CEP250: variants seen among roughly 807,000 people sequenced by gnomAD.
CEP250 encodes centrosomal protein 250.
In CEP250, 242 loss-of-function variants were observed where a neutral mutation model predicts 315.7. The ratio of observed to expected loss-of-function variants is 0.77; its 90% CI spans 0.69 to 0.85. The LOEUF (loss-of-function observed/expected upper bound fraction) is 0.85. Among genes scored for constraint, CEP250 ranks in the 40% least tolerant of loss-of-function variants. The pLI, the probability that CEP250 is intolerant of heterozygous loss-of-function variation, is 0.00. For missense variants in CEP250, 2,515 were observed against 2,886.4 expected (o/e 0.87, Z 2.95); for synonymous variants, 1,088 against 1,175.0 (o/e 0.93, Z 1.51).
At position 35,478,071 on chromosome 20, in the gene CEP250, G is replaced by A. The variant is rs147408283; in HGVS notation, c.2064G>A (p.Glu688=). 14 of 1,614,002 alleles carry A rather than the reference G, an allele frequency of 8.7e-6. No individual in the cohort carries two copies. The highest frequency in any genetic ancestry group is 3.3e-4 in the Middle Eastern group (2 of 6,062). The change falls in exon 17 of 35, where the codon GAG becomes GAA. Residue 688 remains glutamate (E), a synonymous_variant. Transcript: ENST00000397527. ...CAGATCTCAGGGACATCCAAGAAGA[G>A]AAGGAAGAAATTCAAAAGAAACTAA... The part of the protein sequence containing the change: ...LQADLRDIQE[E]KEEIQKKLSE...
chr20:35,493,419 C>A lies in CEP250; in HGVS notation c.2890-10C>A. On this transcript the variant is annotated splice_polypyrimidine_tract_variant and intron_variant, in intron 22 of 34. Coordinates refer to ENST00000397527, the MANE Select transcript of CEP250 (RefSeq NM_007186.6). ...TTTCCTCTACTCAATGATTTCTTATCCCTCTTCAGGAGACCACTGGGATAC... is the reference window on the plus strand; with the variant it reads ...TTTCCTCTACTCAATGATTTCTTATACCTCTTCAGGAGACCACTGGGATAC... 6.5e-7 allele frequency: 1 copy of A among 1,546,682 alleles called. No homozygotes were observed. Among genetic ancestry groups the A allele is most frequent in the Non-Finnish European group, 8.7e-7 (1 of 1,150,874 alleles).
At chr20:35,495,870 A>G (rs2063822393) in intron 24 of CEP250, among the ~76,000 whole-genome samples, 1 of 152,206 alleles carries the variant, frequency 6.6e-6, no homozygotes, top group Non-Finnish European at 1.5e-5. Flanking sequence ...GAGAGATCCT[A>G]AAGCTAAACC....
chr20:35,499,106 C>T (rs1488121016), intron 27 of CEP250, among the ~76,000 whole-genome samples: 2 of 152,150 alleles, frequency 1.3e-5, no homozygotes, highest in African/African-American at 4.8e-5. Flanking sequence ...GAAACCCCAT[C>T]TCTACTAAAA....
At position 35,462,409 on chromosome 20, in the gene CEP250, G is replaced by C; in HGVS notation, c.42G>C (p.Gln14His). 2 of 1,598,456 alleles carry C rather than the reference G, an allele frequency of 1.3e-6. No individual in the cohort carries two copies. Among genetic ancestry groups the C allele is most frequent in the Non-Finnish European group, 1.7e-6 (2 of 1,172,124 alleles). ...RSPGLNNMKP[Q>H]SLQLVLEEQV... ...CTGGGTTGAACAACATGAAGCCCCA[G>C]TCACTGCAGCTGGTACTGGAAGAGC... Residue 14 changes from glutamine to histidine, a missense_variant, in exon 4 of 35, where the codon CAG becomes CAC. Physicochemically the swap from Gln to His is conservative, Grantham distance 24. Coordinates refer to ENST00000397527, the MANE Select transcript of CEP250 (RefSeq NM_007186.6).
chr20:35,485,777 C>G (rs1410212723), intron 20 of CEP250, among the ~76,000 whole-genome samples: 2 of 148,260 alleles, frequency 1.3e-5, no homozygotes, highest in Non-Finnish European at 3.0e-5. Flanking sequence ...TCTCCAGCCT[C>G]CTGAGTAGCT....
rs1282534474 is a variant in CEP250 at position 35,493,462 on chromosome 20, G to C, written c.2923G>C (p.Glu975Gln). The C allele has an allele frequency of 6.2e-7, 1 of 1,609,664 alleles. No homozygotes were observed. Among genetic ancestry groups the C allele is most frequent in the Non-Finnish European group, 8.5e-7 (1 of 1,178,186 alleles). The change falls in exon 23 of 35, where the codon GAG becomes CAG. Residue 975 changes from glutamate (E) to glutamine (Q), a missense_variant. Physicochemically the swap from Glu to Gln is conservative, Grantham distance 29. Coordinates refer to ENST00000397527, the MANE Select transcript of CEP250 (RefSeq NM_007186.6). ...TGGGATACTACAGACCCAGCTCCAG[G>C]AGGCTCAACGGGAGCTGAAGGAGGC... ...TTGILQTQLQEAQRELKEAAR... is the reference protein window; with the variant it reads ...TTGILQTQLQQAQRELKEAAR...
intron 20 of CEP250, among the ~76,000 whole-genome samples, chr20:35,487,813 AAT>A (rs2146993876): frequency 6.6e-6 from 1 of 152,334 alleles, no homozygotes; most frequent in African/African-American, 2.4e-5. Flanking sequence ...TTACATGGCT[AAT>A]AAGGGGTAGA....
chr20:35,498,835 C>T (rs964402568), intron 27 of CEP250, 119 bp downstream of exon 27: 20 of 1,209,226 alleles, frequency 1.7e-5, no homozygotes, highest in Middle Eastern at 2.1e-4. Context: ...TGAGTTTCAC[C>T]TCTATCACTT....
In CEP250 at chr20:35,507,834, G is replaced by T; in HGVS notation, c.6733G>T (p.Gly2245Cys). Reference protein sequence around the residue: ...TAELGSRGEQGVQLGEVSGVE... With the variant: ...TAELGSRGEQCVQLGEVSGVE... ...AGAACTGGGGTCCAGAGGGGAGCAG[G>T]GTGTGCAGCTGGGAGAGGTGAGCTG... Residue 2245 changes from glycine to cysteine, a missense_variant, in exon 31 of 35, where the codon GGT becomes TGT. By Grantham distance (159) the Gly-to-Cys change is radical. Transcript: ENST00000397527. 1 of 1,598,244 alleles carries T rather than the reference G, an allele frequency of 6.3e-7. No homozygotes were observed. Among genetic ancestry groups the T allele is most frequent in the Non-Finnish European group, 8.5e-7 (1 of 1,172,702 alleles).
Position 35,511,683 on chromosome 20 carries a change from G to T in CEP250, c.*57G>T, listed in dbSNP as rs182066632. ...CTGTGTCATGGGTCATGGCCCCTCC[G>T]CACACCTACAGGTTTGCCAAAGGAA... is the stretch of plus-strand genomic sequence containing the variant. On this transcript the variant is annotated 3_prime_UTR_variant, in exon 35 of 35. Coordinates refer to ENST00000397527, the MANE Select transcript of CEP250 (RefSeq NM_007186.6). 2 of 1,546,526 alleles carry T rather than the reference G, an allele frequency of 1.3e-6. No individual in the cohort carries two copies. The highest frequency in any genetic ancestry group is 1.2e-5 in the South Asian group (1 of 80,714).
chr20:35,458,355 TC>T lies in CEP250; in HGVS notation c.-244del, dbSNP rs2062678575. On this transcript the variant is annotated 5_prime_UTR_variant, in exon 2 of 35. Coordinates refer to ENST00000397527, the MANE Select transcript of CEP250 (RefSeq NM_007186.6). ...TAAGGGTGCTGTCTTCCCTGTCTGA[TC>T]CTTAGCAAAAGTAGGAAGGTAGGTC... 3 of 152,358 alleles carry T rather than the reference TC, an allele frequency of 2.0e-5. No individual in the cohort carries two copies. The South Asian group carries it at 6.2e-4, about 32-fold the overall frequency. 9.4% of individuals were successfully genotyped at this position (152,358 alleles called of 1,614,324 possible). A position where few individuals can be genotyped will look rare whatever the true frequency, so the allele number is the denominator to read the frequency against.
Position 35,504,380 on chromosome 20 carries a change from C to T in CEP250, c.6011C>T (p.Ser2004Phe), listed in dbSNP as rs1033436914. Residue 2004 changes from serine (S) to phenylalanine (F), a missense_variant, in exon 30 of 35, where the codon TCC becomes TTC. By Grantham distance (155) the Ser-to-Phe change is radical. Coordinates refer to ENST00000397527, the MANE Select transcript of CEP250 (RefSeq NM_007186.6). ...GCCAGCACTGCAACCCTGCAAGCCTCCCTGGATGCCTGCCAGGCACACAGT... is the reference window on the plus strand; with the variant it reads ...GCCAGCACTGCAACCCTGCAAGCCTTCCTGGATGCCTGCCAGGCACACAGT... ...LEASTATLQA[S>F]LDACQAHSRQ... 7 of 1,600,866 alleles carry T rather than the reference C, an allele frequency of 4.4e-6. No individual in the cohort carries two copies. The highest frequency in any genetic ancestry group is 2.2e-5 in the South Asian group (2 of 88,980).
chr20:35,472,826 G>A lies in CEP250; in HGVS notation c.1204G>A (p.Val402Met). Residue 402 changes from valine to methionine, a missense_variant, in exon 12 of 35, where the codon GTG (valine) becomes ATG (methionine). Transcript: ENST00000397527. ...RSVLTRRRQAVQDLRQQLAGC... is the reference protein window; with the variant it reads ...RSVLTRRRQAMQDLRQQLAGC... ...AGTGCTGACTCGGAGACGCCAGGCT[G>A]TGCAGGTAGGAACCCTCAGCATTCC... The A allele has an allele frequency of 6.2e-7, 1 of 1,614,082 alleles. No individual in the cohort carries two copies. The highest frequency in any genetic ancestry group is 1.1e-5 in the South Asian group (1 of 91,068).
In CEP250 at chr20:35,508,141, G is replaced by A. The variant is rs1219576005; in HGVS notation, c.6857G>A (p.Arg2286Lys). Residue 2286 changes from arginine to lysine, a missense_variant, in exon 32 of 35, where the codon AGG becomes AAG. By Grantham distance (26) the Arg-to-Lys change is conservative. Transcript: ENST00000397527. ...QQAVARLEIDRSRLQRHNVQL... is the reference protein window; with the variant it reads ...QQAVARLEIDKSRLQRHNVQL... ...GCAGTGGCCCGGCTGGAGATTGACA[G>A]GAGCAGGCTGCAGCGCCACAATGTC... 3 of 1,613,952 alleles carry A rather than the reference G, an allele frequency of 1.9e-6. No individual in the cohort carries two copies. The highest frequency in any genetic ancestry group is 2.5e-6 in the Non-Finnish European group (3 of 1,179,992).
chr20:35,488,506 T>G (rs1389362561), intron 20 of CEP250, among the ~76,000 whole-genome samples: 6 of 152,042 alleles, frequency 3.9e-5, no homozygotes, highest in African/African-American at 1.4e-4. Flanking sequence ...CAGGCTGGAG[T>G]GCAGTGGCGT....
At chr20:35,479,169 G>T in intron 17 of CEP250, 62 bp from the exon 18 acceptor site, 1 of 1,527,502 alleles carries the variant, frequency 6.5e-7, no homozygotes, top group Admixed American at 1.8e-5. Flanking sequence ...CCCTAACCTG[G>T]TGGTAGCGGC....
At chr20:35,478,134 G>A (rs1325259454) in intron 17 of CEP250, 33 bp downstream of exon 17, 1 of 1,379,294 alleles carries the variant, frequency 7.3e-7, no homozygotes, top group Non-Finnish European at 1.0e-6. Context: ...ATCATGTCTA[G>A]GTGTAATATA....
chr20:35,467,374 A>T lies in CEP250; in HGVS notation c.670A>T (p.Thr224Ser). 1 of 1,614,068 alleles carries T rather than the reference A, an allele frequency of 6.2e-7. No homozygotes were observed. Among genetic ancestry groups the T allele is most frequent in the Non-Finnish European group, 8.5e-7 (1 of 1,179,974 alleles). ...GSLLTCCLRL[T>S]VGAQSREPNG... ...TCTGTTGACCTGTTGTCTGCGCTTGACTGTGGGAGCACAGTCTCGGGAACC... is the reference window on the plus strand; with the variant it reads ...TCTGTTGACCTGTTGTCTGCGCTTGTCTGTGGGAGCACAGTCTCGGGAACC... The change falls in exon 9 of 35, where the codon ACT becomes TCT. Residue 224 changes from threonine (T) to serine (S), a missense_variant. Thr to Ser is a moderately conservative substitution (Grantham distance 58). Transcript: ENST00000397527.
rs1161290747 is a variant in CEP250 at position 35,473,907 on chromosome 20, C to T, written c.1426C>T (p.Arg476Trp). 2.5e-6 allele frequency: 4 copies of T among 1,612,584 alleles called. No individual in the cohort carries two copies. The highest frequency in any genetic ancestry group is 3.4e-6 in the Non-Finnish European group (4 of 1,179,458). Residue 476 changes from arginine to tryptophan, a missense_variant, in exon 14 of 35, where the codon CGG becomes TGG. By Grantham distance (101) the Arg-to-Trp change is moderately radical (BLOSUM62 -3). Transcript: ENST00000397527. ...ELLQKAREEL[R>W]QQLEVLEQEA... ...GCTGCAGAAGGCCAGGGAAGAGCTG[C>T]GGCAGCAGCTGGAGGTGCTAGAGCA...
Sources: gnomAD v4.1 joint callset for allele counts (sites outside exome capture counted in the v4.1 genomes callset) on GRCh38, gnomAD v4.1.1 for gene constraint, MANE v1.5 for transcripts, NCBI Gene and HGNC (gene_info 2026-07-23, HGNC 2026-07-21) for gene names.